The following TG variants were observed in gnomAD, a reference collection of about 807,000 sequenced individuals.
TG encodes thyroglobulin, also known as thyroid hormones.
In TG, 270 loss-of-function variants were observed where a neutral mutation model predicts 324.7. The observed-to-expected ratio is 0.83, with a 90% confidence interval of 0.75 to 0.92. TG has a LOEUF of 0.92. Among genes scored for constraint, TG ranks in the 40% least tolerant of loss-of-function variants. The pLI is 0.00. For missense variants in TG, 3,591 were observed against 3,456.4 expected (o/e 1.04, Z -0.98); for synonymous variants, 1,401 against 1,327.0 (o/e 1.06, Z -1.21).
Position 132,972,632 on chromosome 8 carries a change from G to T in TG, c.6090G>T (p.Leu2030Phe). ...GEVTCLTLNS[L>F]GIQMCSEENG... ...TGACATGTCTCACTCTGAACAGCTT[G>T]GGAATTCAGATGTGCAGTGAGGAGA... The change falls in exon 34 of 48, where the codon TTG becomes TTT. Residue 2030 changes from leucine (L) to phenylalanine (F), a missense_variant. Physicochemically the swap from Leu to Phe is conservative, Grantham distance 22. Transcript: ENST00000220616. 6.3e-7 allele frequency: 1 copy of T among 1,598,840 alleles called. No individual in the cohort carries two copies. Among genetic ancestry groups the T allele is most frequent in the East Asian group, 2.2e-5 (1 of 44,660 alleles).
At chr8:132,936,863 A>G (rs1031284085) in intron 25 of TG, among the ~76,000 whole-genome samples, 13 of 152,168 alleles carry the variant, frequency 8.5e-5, no homozygotes, top group Non-Finnish European at 1.3e-4. Flanking sequence ...AGGGCTGCAG[A>G]GCAAGGGAGG....
chr8:133,084,756 C>A (rs190458607), intron 41 of TG, among the ~76,000 whole-genome samples: 10 of 152,370 alleles, frequency 6.6e-5, no homozygotes, highest in East Asian at 3.9e-4. Context: ...AGCGCTCCCC[C>A]ACAGGGGCCT....
chr8:132,882,743 A>G, intron 7 of TG, 71 bp from the exon 8 acceptor site: 1 of 1,612,362 alleles, frequency 6.2e-7, no homozygotes, highest in Non-Finnish European at 8.5e-7. Flanking sequence ...TTAAGAGCAA[A>G]CAGCAGTGCA....
chr8:133,058,968 GC>G, intron 41 of TG: 1 of 478,248 alleles, frequency 2.1e-6, no homozygotes, highest in Non-Finnish European at 4.2e-6. Flanking sequence ...GGCATTGGAG[GC>G]CATCAGACCA....
rs548266744 is a variant in TG, at chr8:132,978,315, C to T, written c.6200-5035C>T. Among the ~76,000 whole-genome samples, 33 of 152,232 alleles carry T rather than the reference C, an allele frequency of 2.2e-4. 3 individuals are homozygous for T. In the South Asian group the frequency reaches 5.8e-3, roughly 27 times the overall value. Reference sequence around the variant, plus strand: ...TAGAGCGAGAATTCACTCATTACTGCGAGGACAGTACCAAGCCATTCATGA... The same window carrying T: ...TAGAGCGAGAATTCACTCATTACTGTGAGGACAGTACCAAGCCATTCATGA... On this transcript the variant is annotated intron_variant, in intron 34 of 47. Transcript: ENST00000220616.
chr8:133,024,530 G>C (rs1266080675), intron 40 of TG, among the ~76,000 whole-genome samples: 1 of 151,778 alleles, frequency 6.6e-6, no homozygotes, highest in Non-Finnish European at 1.5e-5. Flanking sequence ...ACATGCATTA[G>C]GTATTTGTCC....
intron 15 of TG, among the ~76,000 whole-genome samples, 175 bp downstream of exon 15, chr8:132,900,514 C>T (rs942628581): frequency 6.6e-6 from 1 of 152,240 alleles, no homozygotes; most frequent in Non-Finnish European, 1.5e-5. Flanking sequence ...CAATATTCCC[C>T]CATCTCTGCA....
At position 132,882,382 on chromosome 8, in the gene TG, GTC is replaced by G; in HGVS notation, c.746-80_746-79del. On this transcript the variant is annotated intron_variant, in intron 6 of 47. Transcript: ENST00000220616. ...TTGCCTAATGATGCTGGTGAAGGCT[GTC>G]TCTCTCAGTATCTGTTTGCACAACA... 1.3e-5 allele frequency: 19 copies of G among 1,481,854 alleles called. No individual in the cohort carries two copies. The South Asian group carries it at 2.0e-4, about 16-fold the overall frequency. The allele number at this position is 1,481,854 out of a possible 1,614,324, so 91.8% of individuals were successfully genotyped here. A position where few individuals can be genotyped will look rare whatever the true frequency, so the allele number is the denominator to read the frequency against.
At chr8:133,068,556 T>A (rs888413472) in intron 41 of TG, among the ~76,000 whole-genome samples, 1 of 152,178 alleles carries the variant, frequency 6.6e-6, no homozygotes, top group Non-Finnish European at 1.5e-5. Context: ...ATGAACATAG[T>A]CATATGTGCC....
At chr8:132,879,219 T>C (rs916342551) in intron 5 of TG, among the ~76,000 whole-genome samples, 3 of 152,112 alleles carry the variant, frequency 2.0e-5, no homozygotes, top group African/African-American at 7.2e-5. Flanking sequence ...ACACAGGAAA[T>C]TGGGAAGATT....
At chr8:133,132,660 T>C (rs1852035668) in intron 46 of TG, among the ~76,000 whole-genome samples, 2 of 152,220 alleles carry the variant, frequency 1.3e-5, no homozygotes, top group Non-Finnish European at 2.9e-5. Context: ...GCAAAAGTCA[T>C]GACCCAGCTA....
At position 132,950,218 on chromosome 8, in the gene TG, G is replaced by A. The variant is rs763531936; in HGVS notation, c.5401+1275G>A. The stretch of plus-strand genomic sequence containing the variant: ...TTGAGGGGAAGCCCTGCTCCTCGTT[G>A]TCTATTTATCTGCCAGAACCTGAAC... On this transcript the variant is annotated intron_variant, in intron 27 of 47. Coordinates refer to ENST00000220616, the MANE Select transcript of TG (RefSeq NM_003235.5). Among the ~76,000 whole-genome samples the A allele has an allele frequency of 8.5e-5, 13 of 152,304 alleles. No homozygotes were observed. The South Asian group carries it at 2.7e-3, about 32-fold the overall frequency.
At chr8:132,984,354 A>C (rs894954271) in intron 35 of TG, among the ~76,000 whole-genome samples, 4 of 152,258 alleles carry the variant, frequency 2.6e-5, no homozygotes, top group Non-Finnish European at 4.4e-5. Context: ...GTCAGTTAAA[A>C]TAGCAAACTT....
chr8:133,098,382 CTT>C (rs1848750636), intron 43 of TG, among the ~76,000 whole-genome samples: 1 of 152,224 alleles, frequency 6.6e-6, no homozygotes, highest in Non-Finnish European at 1.5e-5. Context: ...AAGTTCTAGT[CTT>C]AGTATTCTCT....
chr8:132,888,710 C>T (rs1024861440), intron 10 of TG, 142 bp downstream of exon 10: 33 of 895,026 alleles, frequency 3.7e-5, no homozygotes, highest in African/African-American at 1.3e-4. Flanking sequence ...GCTGAGAAAA[C>T]GAAGGCTCAC....
chr8:132,968,161 T>A (rs919015350), intron 31 of TG, among the ~76,000 whole-genome samples, 191 bp downstream of exon 31: 15 of 152,168 alleles, frequency 9.9e-5, no homozygotes, highest in Non-Finnish European at 1.9e-4. Flanking sequence ...ATTGTCTCAG[T>A]TTAAACAAAA....
chr8:133,095,845 G>T (rs896550544), intron 42 of TG, among the ~76,000 whole-genome samples: 1 of 152,240 alleles, frequency 6.6e-6, no homozygotes, highest in Non-Finnish European at 1.5e-5. Flanking sequence ...AGGCTAATTT[G>T]ATCATAGCTG....
At chr8:132,916,536 A>G (rs2687819) in intron 20 of TG, among the ~76,000 whole-genome samples, 62,711 of 152,128 alleles carry the variant, frequency 0.41, 15,729 homozygotes, top group Admixed American at 0.54. Flanking sequence ...ATAAAGCAGG[A>G]TTCTCTGTGT....
intron 27 of TG, among the ~76,000 whole-genome samples, chr8:132,949,696 C>A (rs1290266530): frequency 1.3e-5 from 2 of 152,214 alleles, no homozygotes; most frequent in South Asian, 4.1e-4. Flanking sequence ...AACCACTGGG[C>A]TTTCTCTTTC....
Sources: allele counts gnomAD v4.1 joint callset (sites outside exome capture counted in the v4.1 genomes callset), GRCh38; gene constraint gnomAD v4.1.1; transcripts MANE v1.5; gene names NCBI Gene and HGNC (gene_info 2026-07-23, HGNC 2026-07-21).